ANO10: variants seen among roughly 807,000 people sequenced by gnomAD.
The protein encoded by ANO10 is anoctamin-10.
Under a neutral mutation model 74.7 loss-of-function variants are expected in ANO10, and 77 were observed. The observed-to-expected ratio is 1.03, with a 90% CI of 0.86 to 1.25. The LOEUF (loss-of-function observed/expected upper bound fraction) is 1.25, where lower values mean the gene tolerates loss of function less well. Ranked by LOEUF, ANO10 falls within the 50% of genes most tolerant of loss-of-function variation. The pLI is 0.00. For synonymous variants in ANO10, 279 were observed against 284.9 expected (o/e 0.98, Z 0.21); for missense variants, 721 against 778.1 (o/e 0.93, Z 0.87).
intron 11 of ANO10, chr3:43,484,913 T>C (rs2076409037): frequency 1.4e-6 from 1 of 712,412 alleles, no homozygotes; most frequent in Non-Finnish European, 2.3e-6. Flanking sequence ...TATGTCTTTT[T>C]TTTTTCACCG....
At chr3:43,384,875 C>T (rs1485067379) in intron 12 of ANO10, among the ~76,000 whole-genome samples, 2 of 152,104 alleles carry the variant, frequency 1.3e-5, no homozygotes, top group African/African-American at 2.4e-5. Context: ...GACTTCATGA[C>T]CAAGAACCCA....
intron 1 of ANO10, chr3:43,638,560 T>C (rs1180569320): frequency 6.6e-6 from 1 of 152,198 alleles, no homozygotes; most frequent in African/African-American, 2.4e-5. Context: ...TTAGTAAGTA[T>C]TTTTTAAAGG....
intron 9 of ANO10, among the ~76,000 whole-genome samples, chr3:43,557,375 C>G (rs993181578): frequency 6.6e-6 from 1 of 152,154 alleles, no homozygotes. Flanking sequence ...TGTTCTAGAG[C>G]TGTAGTTTTC....
intron 11 of ANO10, among the ~76,000 whole-genome samples, chr3:43,473,346 A>G (rs1387302147): frequency 3.3e-5 from 5 of 152,192 alleles, no homozygotes; most frequent in Middle Eastern, 6.8e-3. Flanking sequence ...CCTGGATGTC[A>G]TAAGCCACGT....
chr3:43,634,900 T>A (rs2083589949), intron 1 of ANO10, among the ~76,000 whole-genome samples: 1 of 152,040 alleles, frequency 6.6e-6, no homozygotes, highest in East Asian at 1.9e-4. Context: ...TGAAAGGAGA[T>A]GTGGTCCTGT....
At chr3:43,640,244 C>T (rs937389100) in intron 1 of ANO10, among the ~76,000 whole-genome samples, 2 of 152,170 alleles carry the variant, frequency 1.3e-5, no homozygotes, top group South Asian at 4.1e-4. Context: ...AAATATACCC[C>T]CAGCTTATAA....
Position 43,592,412 on chromosome 3 carries a change from G to A in ANO10, c.472+6120C>T, listed in dbSNP as rs575716545. 1.2e-4 allele frequency among the ~76,000 whole-genome samples: 19 copies of A among 152,268 alleles called. No homozygotes were observed. The South Asian group carries it at 2.5e-3, about 20-fold the overall frequency. On this transcript the variant is annotated intron_variant, in intron 4 of 12. Transcript: ENST00000292246. ...TCTGAGACAAAGCTTCCAGAGGAAC[G>A]ATCAGGCTGCAACATTTGCCATTCT... is the stretch of plus-strand genomic sequence containing the variant.
chr3:43,543,638 C>T (rs1007603565), intron 11 of ANO10, among the ~76,000 whole-genome samples: 11 of 152,168 alleles, frequency 7.2e-5, no homozygotes, highest in Non-Finnish European at 1.0e-4. Context: ...CTGCCCGCTT[C>T]GGCCTCCCAA....
At chr3:43,434,045 G>A (rs1559540381) in intron 11 of ANO10, among the ~76,000 whole-genome samples, 1 of 152,164 alleles carries the variant, frequency 6.6e-6, no homozygotes, top group Non-Finnish European at 1.5e-5. Flanking sequence ...TAAATAACAA[G>A]CAGATATCTC....
intron 1 of ANO10, among the ~76,000 whole-genome samples, chr3:43,687,213 G>A (rs2084286928): frequency 6.6e-6 from 1 of 152,208 alleles, no homozygotes; most frequent in Non-Finnish European, 1.5e-5. Context: ...CACTCTGGGA[G>A]GTCAGGAGTT....
intron 9 of ANO10, among the ~76,000 whole-genome samples, chr3:43,560,211 C>T (rs1427390088): frequency 5.9e-5 from 9 of 152,218 alleles, no homozygotes; most frequent in Non-Finnish European, 1.3e-4. Context: ...CACCTACTGG[C>T]TCTGTGACCA....
At chr3:43,368,162 C>G (rs973749209) in intron 12 of ANO10, among the ~76,000 whole-genome samples, 9 of 152,168 alleles carry the variant, frequency 5.9e-5, no homozygotes, top group Non-Finnish European at 7.3e-5. Context: ...GAAGCTGAGC[C>G]CTCTGCATTT....
chr3:43,381,130 C>G (rs1352728208), intron 12 of ANO10, among the ~76,000 whole-genome samples: 1 of 152,158 alleles, frequency 6.6e-6, no homozygotes, highest in Non-Finnish European at 1.5e-5. Flanking sequence ...ATTAAAACAG[C>G]TCCCACTGGG....
chr3:43,485,249 G>A (rs1472781829), intron 11 of ANO10: 9 of 635,200 alleles, frequency 1.4e-5, no homozygotes, highest in South Asian at 3.5e-5. Context: ...CATAGTGAGA[G>A]GCAGGACTAG....
intron 12 of ANO10, among the ~76,000 whole-genome samples, chr3:43,406,385 T>C (rs944654767): frequency 6.6e-6 from 1 of 152,322 alleles, no homozygotes; most frequent in Non-Finnish European, 1.5e-5. Flanking sequence ...GCTATAAATA[T>C]CATGACGACA....
rs373424427 is a variant in ANO10, at chr3:43,443,679, C to CCTTTTT, written c.1798-10953_1798-10952insAAAAAG. ...TGAAAAGTATTTTACTTCCTTCCTT[C>CCTTTTT]TTTTTTTTTTTTTTTTTTTTGACGG... On this transcript the variant is annotated intron_variant, in intron 11 of 12. Transcript: ENST00000292246. Among the ~76,000 whole-genome samples the CCTTTTT allele has an allele frequency of 7.4e-5, 9 of 122,018 alleles. 1 individual carries two copies. Among genetic ancestry groups the CCTTTTT allele is most frequent in the Non-Finnish European group, 4.9e-5 (3 of 61,798 alleles). The allele number at this position is 122,018 out of a possible 152,430, so 80.0% of individuals were successfully genotyped here.
intron 11 of ANO10, among the ~76,000 whole-genome samples, chr3:43,503,671 T>C (rs1245735722): frequency 6.6e-6 from 1 of 152,184 alleles, no homozygotes; most frequent in African/African-American, 2.4e-5. Context: ...AAAACATCTC[T>C]GAAGAAACCA....
intron 1 of ANO10, among the ~76,000 whole-genome samples, chr3:43,631,849 A>T (rs2083551176): frequency 6.6e-6 from 1 of 151,974 alleles, no homozygotes. Flanking sequence ...TTGGGAGGCC[A>T]AGGCGGGTGG....
intron 11 of ANO10, among the ~76,000 whole-genome samples, chr3:43,468,311 T>C (rs769829639): frequency 2.4e-4 from 36 of 152,180 alleles, no homozygotes; most frequent in Non-Finnish European, 4.4e-4. Context: ...AGCACAGTAT[T>C]GACACATGGG....
Sources: gnomAD v4.1 joint callset for allele counts (sites outside exome capture counted in the v4.1 genomes callset) on GRCh38, gnomAD v4.1.1 for gene constraint, MANE v1.5 for transcripts, NCBI Gene and HGNC (gene_info 2026-07-23, HGNC 2026-07-21) for gene names.